Variants in SRPK2 observed in about 807,000 individuals in gnomAD.
The protein encoded by SRPK2 is SFRS protein kinase 2.
A neutral mutation model predicts 90.8 loss-of-function variants in SRPK2; 21 were observed. The observed-to-expected ratio is 0.23, with a 90% CI of 0.16 to 0.33. The LOEUF (loss-of-function observed/expected upper bound fraction) is 0.33. Among genes scored for constraint, SRPK2 ranks in the 10% least tolerant of loss-of-function variants. SRPK2 has a pLI of 1.00. For synonymous variants in SRPK2, 288 were observed against 311.1 expected (o/e 0.93, Z 0.78); for missense variants, 620 against 869.0 (o/e 0.71, Z 3.60).
chr7:105,331,325 A>AAAAAAAAAAAAC (rs1814340326), intron 2 of SRPK2, among the ~76,000 whole-genome samples: 1 of 134,458 alleles, frequency 7.4e-6, no homozygotes, highest in Non-Finnish European at 1.6e-5. Context: ...AAAAAAAAAA[A>AAAAAAAAAAAAC]AAAAAAAAAA....
At chr7:105,159,587 T>A (rs912013238) in intron 7 of SRPK2, among the ~76,000 whole-genome samples, 1 of 151,900 alleles carries the variant, frequency 6.6e-6, no homozygotes, top group Non-Finnish European at 1.5e-5. Context: ...AACTTCAAAC[T>A]TTTTACAGGC....
chr7:105,276,112 T>A (rs1196008859), intron 2 of SRPK2, among the ~76,000 whole-genome samples: 1 of 151,942 alleles, frequency 6.6e-6, no homozygotes, highest in Non-Finnish European at 1.5e-5. Flanking sequence ...GACAGAGTCT[T>A]GCTCTGTCAC....
At chr7:105,194,373 TAA>T (rs544830832) in intron 3 of SRPK2, among the ~76,000 whole-genome samples, 149 of 152,258 alleles carry the variant, frequency 9.8e-4, no homozygotes, top group African/African-American at 3.5e-3. Context: ...CAAAAAAGAA[TAA>T]TAATTTATAA....
chr7:105,337,195 T>C (rs1815193883), intron 2 of SRPK2, among the ~76,000 whole-genome samples: 2 of 152,148 alleles, frequency 1.3e-5, no homozygotes, highest in Admixed American at 1.3e-4. Flanking sequence ...GTGGGCTGAA[T>C]TGTGTCCCCC....
intron 2 of SRPK2, 48 bp from the exon 3 acceptor site, chr7:105,203,833 C>T: frequency 6.5e-7 from 1 of 1,547,624 alleles, no homozygotes; most frequent in African/African-American, 1.4e-5. Flanking sequence ...GTACATCTTG[C>T]ATTATGGATG....
chr7:105,255,417 C>CAA (rs1803132689), intron 2 of SRPK2, among the ~76,000 whole-genome samples: 1 of 151,864 alleles, frequency 6.6e-6, no homozygotes, highest in African/African-American at 2.4e-5. Context: ...AGGTAGTTAT[C>CAA]AAACTAGTCT....
intron 2 of SRPK2, among the ~76,000 whole-genome samples, chr7:105,372,376 C>A (rs1349423297): frequency 6.6e-6 from 1 of 152,098 alleles, no homozygotes; most frequent in African/African-American, 2.4e-5. Flanking sequence ...TTGACTATTT[C>A]ATGTATATCC....
chr7:105,137,881 G>A (rs921226634), intron 11 of SRPK2, among the ~76,000 whole-genome samples: 10 of 152,278 alleles, frequency 6.6e-5, no homozygotes, highest in East Asian at 5.8e-4. Flanking sequence ...GTGTGGTCAA[G>A]TGCAAGACTC....
chr7:105,287,583 A>C (rs1031582455), intron 2 of SRPK2, among the ~76,000 whole-genome samples: 1 of 151,904 alleles, frequency 6.6e-6, no homozygotes, highest in African/African-American at 2.4e-5. Flanking sequence ...TAAAAATATA[A>C]AAATTTGCCA....
At chr7:105,387,671 A>C (rs991103240) in intron 2 of SRPK2, among the ~76,000 whole-genome samples, 5 of 152,230 alleles carry the variant, frequency 3.3e-5, no homozygotes, top group African/African-American at 1.2e-4. Context: ...ATAATGCTGG[A>C]TTCTCGTTCC....
intron 2 of SRPK2, among the ~76,000 whole-genome samples, chr7:105,208,627 G>A (rs892752811): frequency 3.3e-5 from 5 of 152,092 alleles, no homozygotes; most frequent in African/African-American, 4.8e-5. Context: ...TGCTCATATC[G>A]GGGGTTGGGG....
At chr7:105,284,757 ACT>A (rs1452970339) in intron 2 of SRPK2, among the ~76,000 whole-genome samples, 16 of 152,232 alleles carry the variant, frequency 1.1e-4, no homozygotes, top group Non-Finnish European at 2.1e-4. Context: ...AATATCTTTC[ACT>A]GCAGCAAGTA....
intron 2 of SRPK2, among the ~76,000 whole-genome samples, chr7:105,291,720 A>AT (rs542482867): frequency 2.0e-5 from 3 of 151,968 alleles, no homozygotes; most frequent in Admixed American, 6.6e-5. Context: ...ACAGAACGAG[A>AT]TTTTTTTTCA....
At chr7:105,385,735 G>GA in intron 2 of SRPK2, among the ~76,000 whole-genome samples, 1 of 152,288 alleles carries the variant, frequency 6.6e-6, no homozygotes, top group Non-Finnish European at 1.5e-5. Context: ...GGGCTGCCTT[G>GA]ATTCAACAGC....
intron 2 of SRPK2, among the ~76,000 whole-genome samples, chr7:105,286,480 T>G (rs142346120): frequency 6.6e-6 from 1 of 152,260 alleles, no homozygotes; most frequent in African/African-American, 2.4e-5. Flanking sequence ...GTAAACTACA[T>G]TTAAGTTAAG....
rs1002641477 is a variant in SRPK2 at position 105,169,375 on chromosome 7, C to A, written c.230-110G>T. ...TCATTAAAGAAAGCTCTACATAATA[C>A]ATGCAGACTAAAACATGTTTAATAA... is the stretch of plus-strand genomic sequence containing the variant. On this transcript the variant is annotated intron_variant, in intron 3 of 15. Transcript: ENST00000393651. The A allele has an allele frequency of 1.1e-5, 8 of 740,310 alleles. No homozygotes were observed. The South Asian group carries it at 1.4e-4, about 13-fold the overall frequency. 45.9% of individuals were successfully genotyped at this position (740,310 alleles called of 1,614,324 possible).
intron 11 of SRPK2, among the ~76,000 whole-genome samples, chr7:105,137,517 T>C (rs757508294): frequency 8.5e-5 from 13 of 152,136 alleles, no homozygotes; most frequent in Non-Finnish European, 1.3e-4. Flanking sequence ...CTGACAGTGG[T>C]GTGGGTCCCC....
At chr7:105,192,050 CT>C (rs34465290) in intron 3 of SRPK2, among the ~76,000 whole-genome samples, 17,933 of 143,698 alleles carry the variant, frequency 0.12, 1,224 homozygotes, top group East Asian at 0.25. Context: ...TCTGCTTCTG[CT>C]TTTTTTTTTT....
intron 2 of SRPK2, among the ~76,000 whole-genome samples, chr7:105,318,701 T>C (rs1812578392): frequency 6.6e-6 from 1 of 152,194 alleles, no homozygotes; most frequent in Non-Finnish European, 1.5e-5. Flanking sequence ...CAACCTTTTT[T>C]GAAACACGCT....
Sources: allele counts gnomAD v4.1 joint callset (sites outside exome capture counted in the v4.1 genomes callset), GRCh38; gene constraint gnomAD v4.1.1; transcripts MANE v1.5; gene names NCBI Gene and HGNC (gene_info 2026-07-23, HGNC 2026-07-21).